Variants in ABLIM3 observed in about 807,000 individuals in gnomAD.
ABLIM3 encodes actin binding LIM protein family member 3, also known as actin-binding LIM protein 3.
In ABLIM3, 61 loss-of-function variants were observed where a neutral mutation model predicts 109.5. The observed-to-expected ratio is 0.56, with a 90% CI of 0.45 to 0.69. The LOEUF is 0.69. Among genes scored for constraint, ABLIM3 ranks in the 30% least tolerant of loss-of-function variants. The pLI is 0.00. For synonymous variants in ABLIM3, 300 were observed against 324.8 expected (o/e 0.92, Z 0.82); for missense variants, 796 against 889.5 (o/e 0.89, Z 1.34).
chr5:149,141,928 CCAGA>C, intron 1 of ABLIM3, 77 bp from the exon 2 acceptor site: 1 of 998,526 alleles, frequency 1.0e-6, no homozygotes, highest in Non-Finnish European at 1.6e-6. Context: ...GGGCTACAGC[CCAGA>C]CAGAGAGGGG....
intron 2 of ABLIM3, among the ~76,000 whole-genome samples, chr5:149,142,387 A>T (rs1752548905): frequency 6.6e-6 from 1 of 152,118 alleles, no homozygotes. Flanking sequence ...AAGGCCTAGG[A>T]AGCAGTGTGT....
intron 7 of ABLIM3, among the ~76,000 whole-genome samples, chr5:149,211,183 G>T (rs569450514): frequency 3.2e-3 from 476 of 147,034 alleles, no homozygotes; most frequent in African/African-American, 0.011. Context: ...TATTTATTTT[G>T]TTTGTTTGTT....
At chr5:149,206,013 G>A (rs1396691482) in intron 5 of ABLIM3, among the ~76,000 whole-genome samples, 1 of 152,210 alleles carries the variant, frequency 6.6e-6, no homozygotes, top group Non-Finnish European at 1.5e-5. Flanking sequence ...TCCCAAGTGT[G>A]CATTTGTCTT....
chr5:149,142,090 A>T lies in ABLIM3; in HGVS notation c.-6A>T, dbSNP rs1198954691. The T allele has an allele frequency of 3.1e-6, 5 of 1,613,690 alleles. No individual in the cohort carries two copies. The highest frequency in any genetic ancestry group is 3.3e-5 in the Admixed American group (2 of 59,964). ...TGAATGAAAGACCCAGTGCAAAGAC[A>T]TCACCATGAACACTAGCAGTAAGTG... On this transcript the variant is annotated 5_prime_UTR_variant, in exon 2 of 24. Transcript: ENST00000309868.
intron 5 of ABLIM3, among the ~76,000 whole-genome samples, chr5:149,204,566 T>C (rs1417947070): frequency 2.0e-5 from 3 of 152,336 alleles, no homozygotes; most frequent in East Asian, 3.9e-4. Flanking sequence ...GGACTATCGC[T>C]CCTGGCTTCA....
intron 4 of ABLIM3, chr5:149,199,149 A>G (rs532557330): frequency 2.2e-6 from 1 of 456,620 alleles, no homozygotes; most frequent in African/African-American, 2.0e-5. Context: ...CTGAATGCCA[A>G]GCAACACATT....
chr5:149,178,412 T>G (rs1237351075), intron 2 of ABLIM3, among the ~76,000 whole-genome samples: 1 of 152,216 alleles, frequency 6.6e-6, no homozygotes, highest in Non-Finnish European at 1.5e-5. Flanking sequence ...TGCTTGATGT[T>G]TCACCTTTCA....
intron 18 of ABLIM3, among the ~76,000 whole-genome samples, chr5:149,248,341 C>A (rs974626823): frequency 6.6e-6 from 1 of 152,128 alleles, no homozygotes; most frequent in Non-Finnish European, 1.5e-5. Flanking sequence ...CCTGAGCAGT[C>A]ACTCCCATTG....
intron 20 of ABLIM3, 115 bp from the exon 21 acceptor site, chr5:149,251,244 C>A: frequency 9.0e-7 from 1 of 1,116,124 alleles, no homozygotes; most frequent in Non-Finnish European, 1.3e-6. Flanking sequence ...ACAGAGGCTG[C>A]TGAGAAGGCC....
intron 8 of ABLIM3, among the ~76,000 whole-genome samples, chr5:149,223,032 T>A (rs1760815893): frequency 6.6e-6 from 1 of 152,238 alleles, no homozygotes; most frequent in South Asian, 2.1e-4. Flanking sequence ...CATATTCTGT[T>A]ACTGTACTAA....
chr5:149,174,409 A>C (rs1040200937), intron 2 of ABLIM3: 1 of 152,202 alleles, frequency 6.6e-6, no homozygotes, highest in African/African-American at 2.4e-5. Flanking sequence ...ACATCAGTGC[A>C]TGATGGCCTG....
At chr5:149,163,052 G>T (rs1754519939) in intron 2 of ABLIM3, among the ~76,000 whole-genome samples, 1 of 152,246 alleles carries the variant, frequency 6.6e-6, no homozygotes. Flanking sequence ...GGCCAACAGG[G>T]GCCAGAACAC....
At chr5:149,250,054 C>T (rs1474280940) in intron 19 of ABLIM3, among the ~76,000 whole-genome samples, 1 of 152,124 alleles carries the variant, frequency 6.6e-6, no homozygotes, top group Non-Finnish European at 1.5e-5. Flanking sequence ...TAGATGGTCC[C>T]AGAGGAAAAA....
At position 149,180,801 on chromosome 5, in the gene ABLIM3, A is replaced by G. The variant is rs112543465; in HGVS notation, c.14-2651A>G. Among the ~76,000 whole-genome samples, 1,277 of 152,286 alleles carry G rather than the reference A, an allele frequency of 8.4e-3. 15 individuals are homozygous for G. Among genetic ancestry groups the G allele is most frequent in the African/African-American group, 0.028 (1,173 of 41,550 alleles). ...GCAGGGTTAGGGCTGGGGTCCCATC[A>G]CTACTGCAGCCCCAGAAAATTTTAT... is the stretch of plus-strand genomic sequence containing the variant. On this transcript the variant is annotated intron_variant, in intron 2 of 23. Transcript: ENST00000309868.
intron 8 of ABLIM3, among the ~76,000 whole-genome samples, chr5:149,223,924 C>G (rs555665361): frequency 6.6e-6 from 1 of 152,296 alleles, no homozygotes; most frequent in East Asian, 1.9e-4. Context: ...AGACTCAGCA[C>G]AGGGACTAGC....
chr5:149,172,713 A>AT (rs1181674433), intron 2 of ABLIM3, among the ~76,000 whole-genome samples: 4 of 151,900 alleles, frequency 2.6e-5, no homozygotes, highest in African/African-American at 9.7e-5. Flanking sequence ...AGGCCCAGTA[A>AT]TTTTTTCCCC....
At chr5:149,174,506 A>C (rs1001917057) in intron 2 of ABLIM3, 2 of 152,194 alleles carry the variant, frequency 1.3e-5, no homozygotes, top group African/African-American at 2.4e-5. Flanking sequence ...GCACAAAGAC[A>C]ATTGCTGGCT....
At chr5:149,252,642 G>T in intron 22 of ABLIM3, 115 bp from the exon 23 acceptor site, 4 of 797,542 alleles carry the variant, frequency 5.0e-6, no homozygotes, top group East Asian at 4.9e-5. Context: ...TCTTCCTCCA[G>T]ACTTAATTTC....
chr5:149,169,337 T>C (rs1365315167), intron 2 of ABLIM3, among the ~76,000 whole-genome samples: 1 of 152,014 alleles, frequency 6.6e-6, no homozygotes, highest in East Asian at 1.9e-4. Flanking sequence ...CCTTCCATCT[T>C]AAGGGGATCT....
Sources: allele counts gnomAD v4.1 joint callset (sites outside exome capture counted in the v4.1 genomes callset), GRCh38; gene constraint gnomAD v4.1.1; transcripts MANE v1.5; gene names NCBI Gene and HGNC (gene_info 2026-07-23, HGNC 2026-07-21).